Variants in CCDC60 observed in about 807,000 individuals in gnomAD.
CCDC60 encodes coiled-coil domain-containing protein 60.
Under a neutral mutation model 63.5 loss-of-function variants are expected in CCDC60, and 54 were observed. The ratio of observed to expected loss-of-function variants is 0.85; its 90% CI spans 0.68 to 1.07. CCDC60 has a LOEUF of 1.07. CCDC60 is among the 50% of genes least tolerant of loss of function. CCDC60 has a pLI of 0.00. For missense variants in CCDC60, 651 were observed against 684.3 expected, an observed-to-expected ratio of 0.95 and a Z score of 0.54; for synonymous variants, 206 against 238.8, an observed-to-expected ratio of 0.86 and a Z score of 1.27.
chr12:119,424,532 G>A (rs1188045019), intron 1 of CCDC60, among the ~76,000 whole-genome samples: 1 of 152,226 alleles, frequency 6.6e-6, no homozygotes, highest in Non-Finnish European at 1.5e-5. Flanking sequence ...GCTGGGGCAA[G>A]AGGATATGTA....
At chr12:119,424,130 G>C (rs920174729) in intron 1 of CCDC60, among the ~76,000 whole-genome samples, 28 of 152,198 alleles carry the variant, frequency 1.8e-4, no homozygotes, top group Middle Eastern at 3.4e-3. Context: ...CTTCCAGCTT[G>C]TTATATTAGT....
chr12:119,490,882 A>G (rs1270119277), intron 5 of CCDC60, among the ~76,000 whole-genome samples: 1 of 152,192 alleles, frequency 6.6e-6, no homozygotes, highest in Non-Finnish European at 1.5e-5. Context: ...CTAAAATAAA[A>G]CTGCTCAAGT....
chr12:119,347,360 T>C (rs998815668), intron 1 of CCDC60, among the ~76,000 whole-genome samples: 5 of 152,122 alleles, frequency 3.3e-5, no homozygotes, highest in African/African-American at 1.2e-4. Flanking sequence ...TGAGTAAATA[T>C]CAAGTTAAAT....
chr12:119,360,660 G>A (rs1443478997), intron 1 of CCDC60, among the ~76,000 whole-genome samples: 1 of 150,390 alleles, frequency 6.6e-6, no homozygotes, highest in African/African-American at 2.4e-5. Flanking sequence ...GATGGGCGGC[G>A]GGGCAGAGAC....
At chr12:119,363,138 G>T (rs963056927) in intron 1 of CCDC60, among the ~76,000 whole-genome samples, 1 of 152,138 alleles carries the variant, frequency 6.6e-6, no homozygotes, top group African/African-American at 2.4e-5. Context: ...CAGGATTCCA[G>T]CATTCTAAGG....
chr12:119,418,048 CA>C (rs1956734870), intron 1 of CCDC60, among the ~76,000 whole-genome samples: 1 of 152,072 alleles, frequency 6.6e-6, no homozygotes, highest in African/African-American at 2.4e-5. Flanking sequence ...AGAAAGTTTG[CA>C]AAAATAGTAC....
intron 2 of CCDC60, among the ~76,000 whole-genome samples, chr12:119,440,747 C>G (rs1046185368): frequency 1.3e-5 from 2 of 152,086 alleles, no homozygotes; most frequent in African/African-American, 4.8e-5. Context: ...GATGGAGCCA[C>G]AAAGAGACCT....
intron 7 of CCDC60, among the ~76,000 whole-genome samples, chr12:119,509,061 C>T (rs1360101785): frequency 6.6e-6 from 1 of 151,988 alleles, no homozygotes; most frequent in Non-Finnish European, 1.5e-5. Flanking sequence ...AGGCATGTCC[C>T]CAGTGGCCAC....
intron 2 of CCDC60, among the ~76,000 whole-genome samples, chr12:119,453,408 C>T (rs1950670325): frequency 2.0e-5 from 3 of 152,202 alleles, no homozygotes; most frequent in African/African-American, 7.2e-5. Context: ...AATTAGAAGG[C>T]TTCTGCATGT....
chr12:119,399,827 C>G (rs1054163985), intron 1 of CCDC60, among the ~76,000 whole-genome samples: 7 of 152,140 alleles, frequency 4.6e-5, no homozygotes, highest in Non-Finnish European at 7.4e-5. Context: ...AAATTACCTA[C>G]GGGGTATGAT....
At chr12:119,352,616 T>G (rs1052346301) in intron 1 of CCDC60, among the ~76,000 whole-genome samples, 5 of 152,020 alleles carry the variant, frequency 3.3e-5, no homozygotes, top group Admixed American at 1.3e-4. Flanking sequence ...TGGGATGGAG[T>G]CTTGGCTTCA....
At chr12:119,398,103 T>TGGGGGCGGGGAGGAAGGGGGCGGCGGGG (rs1956312314) in intron 1 of CCDC60, among the ~76,000 whole-genome samples, 19 of 18,060 alleles carry the variant, frequency 1.1e-3, no homozygotes, top group African/African-American at 2.4e-3. Context: ...AAGGGGGCGG[T>TGGGGGCGGGGAGGAAGGGGGCGGCGGGG]GTGGGGGGAG....
At chr12:119,464,220 A>C (rs1375002516) in intron 2 of CCDC60, among the ~76,000 whole-genome samples, 2 of 143,892 alleles carry the variant, frequency 1.4e-5, no homozygotes, top group Admixed American at 1.4e-4. Flanking sequence ...AATCCATAGC[A>C]CACACATTTC....
chr12:119,515,344 A>G (rs538571728), intron 7 of CCDC60, among the ~76,000 whole-genome samples: 106 of 152,296 alleles, frequency 7.0e-4, no homozygotes, highest in African/African-American at 2.5e-3. Flanking sequence ...TTCTGAGACA[A>G]GAGTCTCACT....
intron 5 of CCDC60, among the ~76,000 whole-genome samples, chr12:119,490,586 T>C (rs576666402): frequency 6.6e-6 from 1 of 151,958 alleles, no homozygotes; most frequent in Admixed American, 6.5e-5. Flanking sequence ...TTTAAAGAGA[T>C]GAGGGTCTTG....
At chr12:119,395,946 CT>C (rs71072516) in intron 1 of CCDC60, among the ~76,000 whole-genome samples, 12 of 149,196 alleles carry the variant, frequency 8.0e-5, no homozygotes, top group East Asian at 2.0e-4. Context: ...CCTTTTCTTT[CT>C]TTTTTTTTTA....
chr12:119,441,449 A>G (rs1180366847), intron 2 of CCDC60, among the ~76,000 whole-genome samples: 4 of 152,182 alleles, frequency 2.6e-5, no homozygotes, highest in African/African-American at 4.8e-5. Flanking sequence ...CATCCAGCCC[A>G]ATACATTTTC....
chr12:119,500,249 T>A, intron 6 of CCDC60, 81 bp downstream of exon 6: 2 of 952,346 alleles, frequency 2.1e-6, no homozygotes, highest in Non-Finnish European at 1.6e-6. Context: ...GTCTTTTCTC[T>A]GATGGGAATT....
chr12:119,465,247 G>A (rs1307913143), intron 2 of CCDC60, among the ~76,000 whole-genome samples: 1 of 152,050 alleles, frequency 6.6e-6, no homozygotes, highest in Non-Finnish European at 1.5e-5. Flanking sequence ...CCGGGAGGCG[G>A]AGGTTGCAGT....
Sources: gnomAD v4.1 joint callset for allele counts (sites outside exome capture counted in the v4.1 genomes callset) on GRCh38, gnomAD v4.1.1 for gene constraint, MANE v1.5 for transcripts, NCBI Gene and HGNC (gene_info 2026-07-23, HGNC 2026-07-21) for gene names.